The following GUCY1A2 variants were observed in gnomAD, a reference collection of about 807,000 sequenced individuals.
GUCY1A2 encodes the protein guanylate cyclase soluble subunit alpha-2.
In GUCY1A2, 27 loss-of-function variants were observed where a neutral mutation model predicts 63.5. The observed-to-expected ratio is 0.43, with a 90% CI of 0.31 to 0.59. GUCY1A2 has a LOEUF of 0.59. Ranked by LOEUF, GUCY1A2 falls within the 20% of genes least tolerant of loss-of-function variation. The pLI is 0.11. For synonymous variants in GUCY1A2, 364 were observed against 343.5 expected, an observed-to-expected ratio of 1.06 and a Z score of -0.66; for missense variants, 768 against 913.3, an observed-to-expected ratio of 0.84 and a Z score of 2.05.
At chr11:106,965,134 C>T (rs1861111398) in intron 3 of GUCY1A2, among the ~76,000 whole-genome samples, 1 of 151,658 alleles carries the variant, frequency 6.6e-6, no homozygotes, top group South Asian at 2.1e-4. Context: ...TCACAATTAC[C>T]ACTTATTTTT....
intron 6 of GUCY1A2, among the ~76,000 whole-genome samples, chr11:106,769,483 G>T (rs962981248): frequency 6.6e-6 from 1 of 152,020 alleles, no homozygotes; most frequent in African/African-American, 2.4e-5. Flanking sequence ...TTAAAAGGAA[G>T]CAAACTACAG....
intron 4 of GUCY1A2, among the ~76,000 whole-genome samples, chr11:106,855,019 A>C (rs1437851694): frequency 6.6e-6 from 1 of 152,150 alleles, no homozygotes; most frequent in Non-Finnish European, 1.5e-5. Context: ...AGGGGTTATA[A>C]GTGGGACTTT....
At chr11:106,721,681 A>G (rs1349146349) in intron 6 of GUCY1A2, among the ~76,000 whole-genome samples, 1 of 152,188 alleles carries the variant, frequency 6.6e-6, no homozygotes, top group Admixed American at 6.5e-5. Context: ...ATTTGACCCA[A>G]TATTACTTTT....
At chr11:106,791,351 T>C (rs1864656627) in intron 5 of GUCY1A2, among the ~76,000 whole-genome samples, 1 of 152,200 alleles carries the variant, frequency 6.6e-6, no homozygotes, top group African/African-American at 2.4e-5. Flanking sequence ...ACAGGGGGAA[T>C]TGGGAAGGTA....
intron 1 of GUCY1A2, among the ~76,000 whole-genome samples, chr11:107,007,841 A>T (rs184676138): frequency 6.6e-6 from 1 of 152,312 alleles, no homozygotes; most frequent in Non-Finnish European, 1.5e-5. Context: ...TACATACTAA[A>T]ATAATAATGA....
chr11:106,834,568 T>C (rs1859092844), intron 4 of GUCY1A2, among the ~76,000 whole-genome samples: 1 of 151,966 alleles, frequency 6.6e-6, no homozygotes, highest in Non-Finnish European at 1.5e-5. Context: ...GCAAAAAATA[T>C]CTATCATTCA....
intron 4 of GUCY1A2, among the ~76,000 whole-genome samples, chr11:106,841,814 T>A (rs1264600228): frequency 1.3e-5 from 2 of 152,004 alleles, no homozygotes; most frequent in African/African-American, 4.8e-5. Flanking sequence ...TGAACATATA[T>A]GCAAACAAAA....
At chr11:106,946,154 G>A (rs1055960654) in intron 3 of GUCY1A2, among the ~76,000 whole-genome samples, 1 of 152,014 alleles carries the variant, frequency 6.6e-6, no homozygotes, top group African/African-American at 2.4e-5. Flanking sequence ...CTTCTTAAGG[G>A]GATTTGGGGG....
At chr11:106,919,487 C>G (rs577492339) in intron 4 of GUCY1A2, among the ~76,000 whole-genome samples, 1 of 151,878 alleles carries the variant, frequency 6.6e-6, no homozygotes, top group East Asian at 1.9e-4. Flanking sequence ...ACATCATACA[C>G]CTTAAATTTA....
intron 4 of GUCY1A2, among the ~76,000 whole-genome samples, chr11:106,932,754 G>A (rs1860619994): frequency 2.0e-5 from 3 of 152,096 alleles, no homozygotes; most frequent in Non-Finnish European, 4.4e-5. Context: ...AAATAGCTTG[G>A]TATTATTACA....
intron 4 of GUCY1A2, among the ~76,000 whole-genome samples, chr11:106,882,220 A>G (rs1290354635): frequency 6.6e-6 from 1 of 152,022 alleles, no homozygotes; most frequent in Non-Finnish European, 1.5e-5. Flanking sequence ...CATCACCATT[A>G]TCTAAGTGGC....
chr11:106,920,100 G>A (rs1860422447), intron 4 of GUCY1A2, among the ~76,000 whole-genome samples: 1 of 151,944 alleles, frequency 6.6e-6, no homozygotes. Context: ...TTAGAAACAA[G>A]TAAAAGTAAA....
intron 1 of GUCY1A2, among the ~76,000 whole-genome samples, chr11:106,987,761 C>T (rs1861420897): frequency 6.6e-6 from 1 of 152,046 alleles, no homozygotes; most frequent in South Asian, 2.1e-4. Context: ...ACTCTCCCTA[C>T]CTAACACTCT....
At chr11:106,741,510 A>C (rs983430723) in intron 6 of GUCY1A2, among the ~76,000 whole-genome samples, 5 of 152,146 alleles carry the variant, frequency 3.3e-5, no homozygotes, top group Non-Finnish European at 7.3e-5. Context: ...GAAAAGGAGA[A>C]AATAACCACA....
At chr11:106,984,013 A>C (rs965184093) in intron 2 of GUCY1A2, among the ~76,000 whole-genome samples, 6 of 152,216 alleles carry the variant, frequency 3.9e-5, no homozygotes, top group African/African-American at 1.4e-4. Context: ...AAAGAGAAAT[A>C]GAAAGTAGAA....
At chr11:106,922,154 T>A (rs150111212) in intron 4 of GUCY1A2, among the ~76,000 whole-genome samples, 3 of 152,278 alleles carry the variant, frequency 2.0e-5, no homozygotes, top group African/African-American at 7.2e-5. Flanking sequence ...CCACAGCATA[T>A]GGGAAATCAG....
In GUCY1A2 at chr11:106,732,140, T is replaced by G. The variant is rs7929553; in HGVS notation, c.1837-23474A>C. Among the ~76,000 whole-genome samples the G allele has an allele frequency of 6.7e-3, 1,025 of 152,092 alleles. 12 individuals carry two copies. The highest frequency in any genetic ancestry group is 0.022 in the African/African-American group (931 of 41,520). ...GCTGGAGGAATCACACTACCTGCTA[T>G]AGCAACCAAAACAGCATGGTACTGG... On this transcript the variant is annotated intron_variant, in intron 6 of 7. Coordinates refer to ENST00000526355, the MANE Select transcript of GUCY1A2 (RefSeq NM_000855.3).
intron 4 of GUCY1A2, among the ~76,000 whole-genome samples, chr11:106,854,194 G>A (rs1187136145): frequency 2.0e-5 from 3 of 152,220 alleles, no homozygotes; most frequent in Non-Finnish European, 4.4e-5. Context: ...TGGGCCCCTG[G>A]ACAGTGTGCA....
intron 4 of GUCY1A2, among the ~76,000 whole-genome samples, chr11:106,898,239 G>A (rs1197328404): frequency 1.3e-5 from 2 of 152,166 alleles, no homozygotes; most frequent in Admixed American, 6.5e-5. Flanking sequence ...TTCATTCATT[G>A]CTATTGGAAA....
Sources: allele counts gnomAD v4.1 joint callset (sites outside exome capture counted in the v4.1 genomes callset), GRCh38; gene constraint gnomAD v4.1.1; transcripts MANE v1.5; gene names NCBI Gene and HGNC (gene_info 2026-07-23, HGNC 2026-07-21).